The following COL25A1 variants were observed in gnomAD, a reference collection of about 807,000 sequenced individuals.
COL25A1 encodes collagen type XXV alpha 1 chain.
COL25A1 carries 103 observed loss-of-function variants against 128.4 expected under a neutral mutation model. That is an observed-to-expected ratio of 0.80 (90% CI 0.68 to 0.94). COL25A1 has a LOEUF of 0.94. Among genes scored for constraint, COL25A1 ranks in the 40% least tolerant of loss-of-function variants. The pLI is 0.00. For synonymous variants in COL25A1, 279 were observed against 277.2 expected (o/e 1.01, Z -0.06); for missense variants, 745 against 840.0 (o/e 0.89, Z 1.40).
At chr4:109,069,981 T>C (rs1477197988) in intron 3 of COL25A1, among the ~76,000 whole-genome samples, 2 of 151,684 alleles carry the variant, frequency 1.3e-5, no homozygotes, top group East Asian at 1.9e-4. Context: ...TTTTTTTTTT[T>C]TTTAAACCCT....
chr4:108,998,516 A>G (rs59788255), intron 6 of COL25A1, among the ~76,000 whole-genome samples: 2,470 of 152,334 alleles, frequency 0.016, 56 homozygotes, highest in East Asian at 0.067. Flanking sequence ...GGAAGAATCA[A>G]TATCATGAAA....
In COL25A1 at chr4:108,810,208, G is replaced by A. The variant is rs1307295107; in HGVS notation, c.*3719C>T. The A allele has an allele frequency of 1.3e-5, 2 of 151,022 alleles. No homozygotes were observed. The highest frequency in any genetic ancestry group is 3.0e-5 in the Non-Finnish European group (2 of 67,592). The allele number at this position is 151,022 out of a possible 1,614,324, so 9.4% of individuals were successfully genotyped here. A position where few individuals can be genotyped will look rare whatever the true frequency, so the allele number is the denominator to read the frequency against. On this transcript the variant is annotated 3_prime_UTR_variant, in exon 38 of 38. Coordinates refer to ENST00000399132, the MANE Select transcript of COL25A1 (RefSeq NM_198721.4). ...AGTAACATTAAAAAAAAAAACCCTT[G>A]GAAATTAAGCACATTTCCTAAGTGA...
At chr4:108,913,421 G>A (rs896164034) in intron 13 of COL25A1, among the ~76,000 whole-genome samples, 1 of 151,702 alleles carries the variant, frequency 6.6e-6, no homozygotes, top group South Asian at 2.1e-4. Flanking sequence ...ACCATGCCCC[G>A]CTGATTTTGT....
chr4:109,073,170 G>A (rs1257127272), intron 3 of COL25A1, among the ~76,000 whole-genome samples: 1 of 152,128 alleles, frequency 6.6e-6, no homozygotes, highest in East Asian at 1.9e-4. Context: ...ATGTGCATGG[G>A]TGTTTGGTGG....
intron 37 of COL25A1, among the ~76,000 whole-genome samples, chr4:108,816,171 G>A (rs913823652): frequency 6.6e-6 from 1 of 152,158 alleles, no homozygotes; most frequent in Non-Finnish European, 1.5e-5. Flanking sequence ...CAGGCTGAAA[G>A]CGGAGTATGG....
At chr4:109,246,241 C>T (rs938629494) in intron 3 of COL25A1, among the ~76,000 whole-genome samples, 4 of 151,884 alleles carry the variant, frequency 2.6e-5, no homozygotes, top group Non-Finnish European at 4.4e-5. Context: ...CATGTAAGTG[C>T]CAATATCTTA....
At chr4:108,825,450 C>G (rs967084400) in intron 33 of COL25A1, among the ~76,000 whole-genome samples, 5 of 151,458 alleles carry the variant, frequency 3.3e-5, no homozygotes, top group Admixed American at 2.0e-4. Context: ...GATGTTTAAG[C>G]CTTGGTAGCT....
chr4:108,979,410 G>C (rs1452488465), intron 6 of COL25A1, among the ~76,000 whole-genome samples: 1 of 152,208 alleles, frequency 6.6e-6, no homozygotes, highest in Non-Finnish European at 1.5e-5. Context: ...AGCTGGAAAA[G>C]AGAGATATAT....
At chr4:109,268,281 T>C (rs1276338822) in intron 3 of COL25A1, among the ~76,000 whole-genome samples, 1 of 152,240 alleles carries the variant, frequency 6.6e-6, no homozygotes. Context: ...TTCAGGAGAC[T>C]ATTAAAATTA....
chr4:109,050,766 AGT>A (rs1361678969), intron 3 of COL25A1, among the ~76,000 whole-genome samples: 6 of 152,146 alleles, frequency 3.9e-5, no homozygotes, highest in African/African-American at 1.4e-4. Flanking sequence ...TTAATAAGAC[AGT>A]GTTTAGGTAG....
At chr4:108,929,054 C>G (rs1362377994) in intron 11 of COL25A1, among the ~76,000 whole-genome samples, 1 of 152,200 alleles carries the variant, frequency 6.6e-6, no homozygotes. Context: ...AAGATTTCTT[C>G]TAAACCTTTT....
intron 3 of COL25A1, among the ~76,000 whole-genome samples, chr4:109,245,940 G>A (rs1010648869): frequency 1.3e-5 from 2 of 150,416 alleles, no homozygotes; most frequent in African/African-American, 5.0e-5. Flanking sequence ...CCCATGGGTA[G>A]GAGAGATATG....
intron 3 of COL25A1, among the ~76,000 whole-genome samples, chr4:109,140,307 A>T (rs896449845): frequency 3.3e-5 from 5 of 152,206 alleles, no homozygotes; most frequent in African/African-American, 1.2e-4. Context: ...TTTTGGTACC[A>T]GTACCATGCT....
intron 3 of COL25A1, among the ~76,000 whole-genome samples, chr4:109,068,169 T>A (rs1315177445): frequency 6.6e-6 from 1 of 152,176 alleles, no homozygotes; most frequent in Non-Finnish European, 1.5e-5. Context: ...GTATTATTGC[T>A]TTTTCACAGG....
At chr4:108,922,214 C>A (rs1745568749) in intron 11 of COL25A1, among the ~76,000 whole-genome samples, 1 of 152,040 alleles carries the variant, frequency 6.6e-6, no homozygotes, top group Non-Finnish European at 1.5e-5. Context: ...AGTAAATGTT[C>A]GTGCTAAGTA....
chr4:109,124,544 T>A (rs554404179), intron 3 of COL25A1, among the ~76,000 whole-genome samples: 1 of 151,948 alleles, frequency 6.6e-6, no homozygotes, highest in Non-Finnish European at 1.5e-5. Flanking sequence ...GAATTAAAAT[T>A]TTTTTTCCAG....
At chr4:109,241,477 C>T (rs551164490) in intron 3 of COL25A1, among the ~76,000 whole-genome samples, 1 of 151,996 alleles carries the variant, frequency 6.6e-6, no homozygotes, top group Admixed American at 6.6e-5. Flanking sequence ...AAAAATTCTA[C>T]GAAGTCATAT....
intron 3 of COL25A1, among the ~76,000 whole-genome samples, chr4:109,275,101 A>G (rs1339675759): frequency 6.6e-6 from 1 of 152,186 alleles, no homozygotes; most frequent in East Asian, 1.9e-4. Context: ...GGGCACTCTA[A>G]GCCTACCAAC....
intron 3 of COL25A1, among the ~76,000 whole-genome samples, chr4:109,240,814 C>T (rs1444437177): frequency 6.6e-6 from 1 of 152,052 alleles, no homozygotes; most frequent in African/African-American, 2.4e-5. Flanking sequence ...TGAAATAGTA[C>T]ATTTAAGTTG....
Sources: allele counts gnomAD v4.1 joint callset (sites outside exome capture counted in the v4.1 genomes callset), GRCh38; gene constraint gnomAD v4.1.1; transcripts MANE v1.5; gene names NCBI Gene and HGNC (gene_info 2026-07-23, HGNC 2026-07-21).